The following IPO5 variants were observed in gnomAD, a reference collection of about 807,000 sequenced individuals.
IPO5 encodes the protein importin-5.
A neutral mutation model predicts 143.3 loss-of-function variants in IPO5; 18 were observed. The observed-to-expected ratio is 0.13, with a 90% confidence interval of 0.09 to 0.19. The LOEUF (loss-of-function observed/expected upper bound fraction) is 0.19, where lower values mean the gene tolerates loss of function less well. IPO5 is among the 10% of genes least tolerant of loss of function. IPO5 has a pLI of 1.00. For missense variants in IPO5, 1,013 were observed against 1,336.9 expected, an observed-to-expected ratio of 0.76 and a Z score of 3.78; for synonymous variants, 477 against 465.7, an observed-to-expected ratio of 1.02 and a Z score of -0.31.
At chr13:98,005,917 T>A (rs975593397) in intron 16 of IPO5, among the ~76,000 whole-genome samples, 3 of 152,028 alleles carry the variant, frequency 2.0e-5, no homozygotes, top group African/African-American at 7.3e-5. Flanking sequence ...GTTGTGTTAA[T>A]AGAAGAGAGA....
chr13:97,987,147 C>A, intron 6 of IPO5: 1 of 167,968 alleles, frequency 6.0e-6, no homozygotes, highest in South Asian at 1.8e-4. Context: ...GGGCCTGGTT[C>A]CTGGTACAAG....
intron 16 of IPO5, 76 bp downstream of exon 16, chr13:98,003,113 AAG>A (rs763155768): frequency 3.3e-4 from 357 of 1,076,574 alleles, no homozygotes; most frequent in Non-Finnish European, 4.5e-4. Context: ...GAACTGGAGA[AAG>A]AGGGACTTGC....
At chr13:97,998,646 GT>G (rs1345334284) in intron 12 of IPO5, among the ~76,000 whole-genome samples, 1 of 152,152 alleles carries the variant, frequency 6.6e-6, no homozygotes, top group Non-Finnish European at 1.5e-5. Flanking sequence ...CCCCTTACAT[GT>G]ATGTGAAACA....
chr13:97,984,154 A>G (rs1887126610), intron 5 of IPO5, among the ~76,000 whole-genome samples: 1 of 148,978 alleles, frequency 6.7e-6, no homozygotes, highest in African/African-American at 2.5e-5. Flanking sequence ...AATTTTTTGT[A>G]TTTTTAGTAG....
chr13:97,999,816 C>T (rs1309812947), intron 12 of IPO5, among the ~76,000 whole-genome samples: 1 of 152,194 alleles, frequency 6.6e-6, no homozygotes, highest in African/African-American at 2.4e-5. Context: ...ATTATACATT[C>T]TCTGCACCCT....
At chr13:97,996,520 AT>A (rs969658169) in intron 11 of IPO5, among the ~76,000 whole-genome samples, 12 of 152,292 alleles carry the variant, frequency 7.9e-5, no homozygotes, top group Admixed American at 4.6e-4. Context: ...CACTTCACAC[AT>A]TTTTGTGAAA....
intron 2 of IPO5, among the ~76,000 whole-genome samples, chr13:97,966,692 T>C (rs191120409): frequency 6.6e-6 from 1 of 152,332 alleles, no homozygotes; most frequent in African/African-American, 2.4e-5. Flanking sequence ...AAATGTTTGG[T>C]AAAATTCACC....
intron 5 of IPO5, among the ~76,000 whole-genome samples, 177 bp downstream of exon 5, chr13:97,982,760 T>G (rs1886961368): frequency 6.6e-6 from 1 of 152,222 alleles, no homozygotes; most frequent in African/African-American, 2.4e-5. Flanking sequence ...TTGAAGTACT[T>G]TGTATTAAGA....
chr13:98,001,582 A>G (rs1266819996), intron 13 of IPO5: 1 of 152,252 alleles, frequency 6.6e-6, no homozygotes, highest in African/African-American at 2.4e-5. Flanking sequence ...GTTTCAAGCA[A>G]TTCTCCTGTC....
intron 3 of IPO5, among the ~76,000 whole-genome samples, chr13:97,972,136 C>A (rs1404630449): frequency 1.3e-5 from 2 of 152,164 alleles, no homozygotes; most frequent in Non-Finnish European, 2.9e-5. Flanking sequence ...GCGCTTACAA[C>A]TACCAAGATA....
chr13:98,012,801 ATTT>A (rs59658983), intron 21 of IPO5, among the ~76,000 whole-genome samples: 14,416 of 109,074 alleles, frequency 0.13, 2,509 homozygotes, highest in African/African-American at 0.41. Context: ...GCTAGATTTG[ATTT>A]TTTTTTTTTT....
chr13:97,954,899 A>G (rs576783568), intron 2 of IPO5, among the ~76,000 whole-genome samples: 75 of 152,282 alleles, frequency 4.9e-4, no homozygotes, highest in African/African-American at 1.8e-3. Context: ...TTTCCAGTAG[A>G]GTTAAAACTC....
At position 98,020,271 on chromosome 13, in the gene IPO5, C is replaced by G. The variant is rs141464099; in HGVS notation, c.3065+462C>G. ...AGTTCCCCCCAAATATCAGTCAGAT[C>G]TAAGCTCTGTCGCTATTATTATTTT... is the stretch of plus-strand genomic sequence containing the variant. On this transcript the variant is annotated intron_variant, in intron 27 of 28. Coordinates refer to ENST00000651721, the MANE Select transcript of IPO5 (RefSeq NM_002271.6). 6.6e-5 allele frequency among the ~76,000 whole-genome samples: 10 copies of G among 152,280 alleles called. No homozygotes were observed. In the East Asian group the frequency reaches 1.7e-3, roughly 26 times the overall value.
rs369673030 is a variant in IPO5, at chr13:98,008,045, A to G, written c.1717-14A>G. On this transcript the variant is annotated splice_polypyrimidine_tract_variant and intron_variant, in intron 17 of 28. Transcript: ENST00000651721. Reference sequence around the variant, plus strand: ...TCGGTATCAACAAGTGTGTCTCTACATATTTTCCTCTAGTTCATGCAGGAT... The same window carrying G: ...TCGGTATCAACAAGTGTGTCTCTACGTATTTTCCTCTAGTTCATGCAGGAT... 1.5e-5 allele frequency: 23 copies of G among 1,561,020 alleles called. No homozygotes were observed. The highest frequency in any genetic ancestry group is 5.4e-5 in the African/African-American group (4 of 73,680).
At chr13:98,014,291 A>C in intron 22 of IPO5, 77 bp downstream of exon 22, 1 of 1,158,578 alleles carries the variant, frequency 8.6e-7, no homozygotes, top group Admixed American at 2.3e-5. Context: ...AAAAAAAAAA[A>C]ATTTGAGACA....
chr13:97,958,877 T>C (rs189389510), intron 2 of IPO5, among the ~76,000 whole-genome samples: 1 of 151,136 alleles, frequency 6.6e-6, no homozygotes, highest in East Asian at 2.0e-4. Flanking sequence ...CTAGGACAAG[T>C]CACACTACAA....
chr13:97,976,220 G>A (rs1886287419), intron 3 of IPO5, among the ~76,000 whole-genome samples: 1 of 151,236 alleles, frequency 6.6e-6, no homozygotes, highest in African/African-American at 2.4e-5. Flanking sequence ...CCGCGGCCGG[G>A]CCCGCCGGCC....
At chr13:98,001,341 ATTTG>A (rs948514743) in intron 13 of IPO5, among the ~76,000 whole-genome samples, 6 of 152,232 alleles carry the variant, frequency 3.9e-5, no homozygotes, top group South Asian at 2.1e-4. Flanking sequence ...TAAGTTAGAA[ATTTG>A]TTTGTTTTTT....
Position 98,019,583 on chromosome 13 carries a change from G to A in IPO5, c.2839G>A (p.Ala947Thr), listed in dbSNP as rs1403315928. The change falls in exon 27 of 29, where the codon GCA becomes ACA. Residue 947 changes from alanine (A) to threonine (T), a missense_variant and splice_region_variant. Transcript: ENST00000651721. ...GDNYRPFCTEALPLLVRVIQS... is the reference protein window; with the variant it reads ...GDNYRPFCTETLPLLVRVIQS... ...CTTCTTTCAAATGCTTATTTTAGAA[G>A]CACTTCCCCTGCTGGTAAGAGTTAT... is the stretch of plus-strand genomic sequence containing the variant. 13 of 1,608,078 alleles carry A rather than the reference G, an allele frequency of 8.1e-6. No homozygotes were observed. The highest frequency in any genetic ancestry group is 2.7e-5 in the African/African-American group (2 of 74,792).
Sources: gnomAD v4.1 joint callset for allele counts (sites outside exome capture counted in the v4.1 genomes callset) on GRCh38, gnomAD v4.1.1 for gene constraint, MANE v1.5 for transcripts, NCBI Gene and HGNC (gene_info 2026-07-23, HGNC 2026-07-21) for gene names.